Variants in SLC35F1 observed in about 807,000 individuals in gnomAD.
The protein encoded by SLC35F1 is solute carrier family 35 member F1, also known as chromosome 6 open reading frame 169.
SLC35F1 carries 14 observed loss-of-function variants against 48.7 expected under a neutral mutation model. That is an observed-to-expected ratio of 0.29 (90% CI 0.19 to 0.45). The LOEUF (loss-of-function observed/expected upper bound fraction) is 0.45. Among genes scored for constraint, SLC35F1 ranks in the 20% least tolerant of loss-of-function variants. The probability of loss-of-function intolerance (pLI) is 1.00; values close to 1 mark genes in which losing one functional copy is unlikely to be tolerated. For synonymous variants in SLC35F1, 190 were observed against 202.2 expected (o/e 0.94, Z 0.51); for missense variants, 404 against 500.0 (o/e 0.81, Z 1.83).
At chr6:117,963,830 A>T (rs1190594153) in intron 1 of SLC35F1, among the ~76,000 whole-genome samples, 1 of 53,998 alleles carries the variant, frequency 1.9e-5, no homozygotes, top group Non-Finnish European at 4.5e-5. Flanking sequence ...TCTGGGATAC[A>T]TGTGCAGGGA....
At chr6:117,909,978 C>T (rs924566176) in intron 1 of SLC35F1, among the ~76,000 whole-genome samples, 1 of 152,118 alleles carries the variant, frequency 6.6e-6, no homozygotes, top group Non-Finnish European at 1.5e-5. Context: ...ATTTATTTGT[C>T]TTTCAAAGTT....
intron 1 of SLC35F1, among the ~76,000 whole-genome samples, chr6:118,119,182 G>T (rs116164507): frequency 3.9e-5 from 6 of 151,932 alleles, no homozygotes; most frequent in Non-Finnish European, 7.4e-5. Flanking sequence ...TAAGTATTCT[G>T]CTTTTTAAAA....
chr6:118,292,234 G>A (rs74564995), intron 7 of SLC35F1, among the ~76,000 whole-genome samples: 2,183 of 152,318 alleles, frequency 0.014, 65 homozygotes, highest in African/African-American at 0.049. Context: ...ATTCCAGGGT[G>A]TAGCCAGGGT....
At chr6:117,985,791 T>C (rs934055370) in intron 1 of SLC35F1, among the ~76,000 whole-genome samples, 1 of 152,260 alleles carries the variant, frequency 6.6e-6, no homozygotes, top group African/African-American at 2.4e-5. Flanking sequence ...TCTTTAAATT[T>C]ATAGAAAAAA....
chr6:117,923,659 G>GCA (rs1775946814), intron 1 of SLC35F1, among the ~76,000 whole-genome samples: 1 of 28,838 alleles, frequency 3.5e-5, no homozygotes, highest in African/African-American at 1.4e-4. Flanking sequence ...ATGTACATAT[G>GCA]TATATATACA....
At chr6:118,116,429 A>G (rs1773477309) in intron 1 of SLC35F1, among the ~76,000 whole-genome samples, 1 of 152,324 alleles carries the variant, frequency 6.6e-6, no homozygotes, top group African/African-American at 2.4e-5. Context: ...AAGTGTGGTC[A>G]ACGTTTTGCA....
intron 1 of SLC35F1, among the ~76,000 whole-genome samples, chr6:118,061,815 T>G (rs1341205206): frequency 6.6e-6 from 1 of 152,066 alleles, no homozygotes; most frequent in Non-Finnish European, 1.5e-5. Flanking sequence ...ATAAGGAGCA[T>G]GCAACCTAGA....
intron 1 of SLC35F1, among the ~76,000 whole-genome samples, chr6:117,934,738 G>T (rs1776143576): frequency 6.6e-6 from 1 of 152,124 alleles, no homozygotes; most frequent in Non-Finnish European, 1.5e-5. Flanking sequence ...GTCAAGATAT[G>T]AACATTTTTA....
rs140931909 is a variant in SLC35F1 at position 118,091,898 on chromosome 6, T to A, written c.174-62547T>A. 6.7e-3 allele frequency among the ~76,000 whole-genome samples: 1,018 copies of A among 152,278 alleles called. 8 individuals carry two copies. The highest frequency in any genetic ancestry group is 0.014 in the Middle Eastern group (4 of 294). On this transcript the variant is annotated intron_variant, in intron 1 of 7. Coordinates refer to ENST00000360388, the MANE Select transcript of SLC35F1 (RefSeq NM_001029858.4). ...ACTGGAGTAAAGGTCACTCTTGCTA[T>A]GCGAAGAGACTGGCAGCATTTTGAC...
intron 6 of SLC35F1, among the ~76,000 whole-genome samples, chr6:118,281,285 T>C (rs1312652204): frequency 1.3e-5 from 2 of 151,306 alleles, no homozygotes; most frequent in Non-Finnish European, 2.9e-5. Context: ...TTATTTCTCT[T>C]TATAATAATT....
intron 3 of SLC35F1, among the ~76,000 whole-genome samples, chr6:118,252,306 G>T (rs1360836885): frequency 2.0e-5 from 3 of 152,092 alleles, no homozygotes; most frequent in African/African-American, 7.2e-5. Flanking sequence ...TGTCGATGTG[G>T]ATAGAGGTGG....
chr6:118,246,177 T>C (rs1024364858), intron 3 of SLC35F1, among the ~76,000 whole-genome samples: 3 of 152,128 alleles, frequency 2.0e-5, no homozygotes, highest in African/African-American at 7.2e-5. Flanking sequence ...GGAAGGAGAA[T>C]TTCAGAATTT....
intron 7 of SLC35F1, among the ~76,000 whole-genome samples, chr6:118,292,342 A>G (rs1258141945): frequency 1.3e-5 from 2 of 152,228 alleles, no homozygotes; most frequent in East Asian, 1.9e-4. Flanking sequence ...ATAAAGACAC[A>G]TTGTTAACAA....
chr6:117,972,961 A>G (rs1487567841), intron 1 of SLC35F1, among the ~76,000 whole-genome samples: 1 of 152,264 alleles, frequency 6.6e-6, no homozygotes, highest in African/African-American at 2.4e-5. Context: ...TTTAAAAAAT[A>G]CAGTTGGATG....
intron 1 of SLC35F1, among the ~76,000 whole-genome samples, chr6:118,042,897 T>G (rs2114903383): frequency 6.6e-6 from 1 of 152,116 alleles, no homozygotes; most frequent in East Asian, 1.9e-4. Context: ...TTAACTAAAA[T>G]AGAAAACAGA....
At chr6:118,106,278 C>T (rs3923321) in intron 1 of SLC35F1, among the ~76,000 whole-genome samples, 47,144 of 152,024 alleles carry the variant, frequency 0.31, 8,770 homozygotes, top group Non-Finnish European at 0.43. Flanking sequence ...TTCTTTCTCT[C>T]TCATGTATAC....
At chr6:117,916,800 T>G (rs904874152) in intron 1 of SLC35F1, among the ~76,000 whole-genome samples, 1 of 151,944 alleles carries the variant, frequency 6.6e-6, no homozygotes, top group East Asian at 1.9e-4. Flanking sequence ...GGTCCCAACA[T>G]GAGTGGCCAG....
At chr6:118,175,822 C>G (rs1774480025) in intron 2 of SLC35F1, among the ~76,000 whole-genome samples, 1 of 152,142 alleles carries the variant, frequency 6.6e-6, no homozygotes, top group East Asian at 1.9e-4. Context: ...CACTTCTGCT[C>G]CACTTGAGAA....
rs573477416 is a variant in SLC35F1 at position 118,315,541 on chromosome 6, A to G, written c.*1289A>G. On this transcript the variant is annotated 3_prime_UTR_variant, in exon 8 of 8. Transcript: ENST00000360388. ...TGCAACCTCCGCCTCCGGGATTCAC[A>G]CCATTCTCCTGCCTCAGCCTCCCGA... The G allele has an allele frequency of 4.2e-5, 6 of 143,332 alleles. No individual in the cohort carries two copies. The highest frequency in any genetic ancestry group is 4.3e-4 in the South Asian group (2 of 4,622). The allele number at this position is 143,332 out of a possible 1,614,324, so 8.9% of individuals were successfully genotyped here.
Sources: gnomAD v4.1 joint callset for allele counts (sites outside exome capture counted in the v4.1 genomes callset) on GRCh38, gnomAD v4.1.1 for gene constraint, MANE v1.5 for transcripts, NCBI Gene and HGNC (gene_info 2026-07-23, HGNC 2026-07-21) for gene names.